Variants in MTFR1 observed in about 807,000 individuals in gnomAD.
MTFR1 encodes chondrocyte protein with a poly-proline region.
A neutral mutation model predicts 38.8 loss-of-function variants in MTFR1; 28 were observed. The observed-to-expected ratio is 0.72, with a 90% CI of 0.53 to 0.99. The LOEUF (loss-of-function observed/expected upper bound fraction) is 0.99. Among genes scored for constraint, MTFR1 ranks in the 50% least tolerant of loss-of-function variants. The pLI, the probability that MTFR1 is intolerant of heterozygous loss-of-function variation, is 0.00. For missense variants in MTFR1, 358 were observed against 395.5 expected, an observed-to-expected ratio of 0.91 and a Z score of 0.81; for synonymous variants, 145 against 137.0, an observed-to-expected ratio of 1.06 and a Z score of -0.41.
chr8:65,747,504 C>G, intron 3 of MTFR1: 3 of 460,018 alleles, frequency 6.5e-6, no homozygotes, highest in Non-Finnish European at 1.1e-5. Context: ...AAACAAACAG[C>G]TGCTCTAAAG....
At chr8:65,776,287 T>G in the MTFR1 span, among the ~76,000 whole-genome samples, 1 of 152,238 alleles carries the variant, frequency 6.6e-6, no homozygotes, top group Non-Finnish European at 1.5e-5. Context: ...GGGTTATTTC[T>G]GGATTCTATA....
chr8:65,763,272 C>T (rs2128915659), intron 3 of MTFR1, among the ~76,000 whole-genome samples: 1 of 152,064 alleles, frequency 6.6e-6, no homozygotes, highest in South Asian at 2.1e-4. Context: ...AGACATAAAA[C>T]CCTATAAAAA....
chr8:65,723,501 G>T, intron 3 of MTFR1: 2 of 1,397,312 alleles, frequency 1.4e-6, no homozygotes, highest in Non-Finnish European at 1.9e-6. Context: ...AAAAACAGTG[G>T]CATTTTTCTA....
At chr8:65,759,532 G>A (rs1243114743) in intron 3 of MTFR1, among the ~76,000 whole-genome samples, 1 of 152,202 alleles carries the variant, frequency 6.6e-6, no homozygotes, top group Non-Finnish European at 1.5e-5. Flanking sequence ...CCAAAAAACA[G>A]TGGCCTCTCC....
intron 1 of MTFR1, among the ~76,000 whole-genome samples, chr8:65,667,545 A>G (rs552098420): frequency 6.6e-6 from 1 of 151,944 alleles, no homozygotes; most frequent in Non-Finnish European, 1.5e-5. Flanking sequence ...TTCCTGCCTC[A>G]GCCTCCCAAG....
intron 1 of MTFR1, among the ~76,000 whole-genome samples, chr8:65,664,820 T>G (rs1011835433): frequency 6.6e-6 from 1 of 151,958 alleles, no homozygotes; most frequent in Non-Finnish European, 1.5e-5. Flanking sequence ...ACTCCTAACC[T>G]TAGGTGATCT....
chr8:65,740,907 T>C (rs1807397625), intron 3 of MTFR1, among the ~76,000 whole-genome samples: 1 of 152,182 alleles, frequency 6.6e-6, no homozygotes, highest in African/African-American at 2.4e-5. Flanking sequence ...CCCCTCCAGT[T>C]TCACCTGCTC....
chr8:65,752,019 C>T (rs1807993791), intron 3 of MTFR1, among the ~76,000 whole-genome samples: 1 of 152,172 alleles, frequency 6.6e-6, no homozygotes, highest in African/African-American at 2.4e-5. Context: ...TACTGAAGGG[C>T]ACTGCTACAG....
intron 3 of MTFR1, chr8:65,727,253 C>T (rs773911088): frequency 1.2e-6 from 2 of 1,613,430 alleles, no homozygotes; most frequent in Non-Finnish European, 8.5e-7. Flanking sequence ...TGAGTGGCAG[C>T]TGCAATTAAG....
In MTFR1 at chr8:65,686,819, A is replaced by G. The variant is rs552273040; in HGVS notation, c.165+4368A>G. Among the ~76,000 whole-genome samples the G allele has an allele frequency of 1.5e-4, 22 of 151,484 alleles. 1 individual carries two copies. The highest frequency in any genetic ancestry group is 5.3e-4 in the African/African-American group (22 of 41,164). Reference sequence around the variant, plus strand: ...GTTCTTGTCATCCCAGCTACTTAGGAGGCTGAGGCAGGAAGAATTGCCTGA... The same window carrying G: ...GTTCTTGTCATCCCAGCTACTTAGGGGGCTGAGGCAGGAAGAATTGCCTGA... On this transcript the variant is annotated intron_variant, in intron 3 of 7. Coordinates refer to ENST00000262146, the MANE Select transcript of MTFR1 (RefSeq NM_014637.4).
intron 2 of MTFR1, among the ~76,000 whole-genome samples, chr8:65,677,616 G>C (rs1382816905): frequency 1.3e-5 from 2 of 150,764 alleles, no homozygotes; most frequent in Admixed American, 6.6e-5. Context: ...TCCTGAGCTC[G>C]TGACCCGCCC....
At chr8:65,696,663 T>A (rs1805450876) in intron 4 of MTFR1, among the ~76,000 whole-genome samples, 1 of 152,190 alleles carries the variant, frequency 6.6e-6, no homozygotes, top group Non-Finnish European at 1.5e-5. Context: ...TATGTAACTT[T>A]TTTTTTTATT....
chr8:65,666,533 C>T (rs1804387367), intron 1 of MTFR1, among the ~76,000 whole-genome samples: 1 of 152,192 alleles, frequency 6.6e-6, no homozygotes, highest in South Asian at 2.1e-4. Flanking sequence ...TGAGTCCTAA[C>T]TTTGCCACTT....
intron 3 of MTFR1, among the ~76,000 whole-genome samples, chr8:65,763,001 G>A (rs1055978784): frequency 3.9e-5 from 5 of 128,218 alleles, no homozygotes; most frequent in African/African-American, 1.4e-4. Flanking sequence ...ATGTGTGTGT[G>A]TGTGTGTGTG....
Position 65,657,514 on chromosome 8 carries a change from G to A in MTFR1, c.-80-12359G>A, listed in dbSNP as rs1030720290. The stretch of plus-strand genomic sequence containing the variant: ...GCTCAGGAGTTTGAGGCTAGCCTGG[G>A]CAATGTAGTGAGACCCCGTCTCTAA... On this transcript the variant is annotated intron_variant, in intron 1 of 7. Transcript: ENST00000262146. Among the ~76,000 whole-genome samples, 4 of 151,896 alleles carry A rather than the reference G, an allele frequency of 2.6e-5. 1 individual carries two copies. The highest frequency in any genetic ancestry group is 4.4e-5 in the Non-Finnish European group (3 of 67,986).
At chr8:65,677,534 C>T (rs1193906923) in intron 2 of MTFR1, among the ~76,000 whole-genome samples, 2 of 151,260 alleles carry the variant, frequency 1.3e-5, no homozygotes, top group Non-Finnish European at 2.9e-5. Flanking sequence ...AGGCGTGCAC[C>T]ACCACACCTG....
chr8:65,727,498 A>G (rs17395920), intron 3 of MTFR1: 28,664 of 587,446 alleles, frequency 0.049, 916 homozygotes, highest in Non-Finnish European at 0.061. Context: ...TGGCAAAGCC[A>G]TGATACAACA....
At chr8:65,683,395 G>T (rs1804968072) in intron 3 of MTFR1, among the ~76,000 whole-genome samples, 1 of 152,094 alleles carries the variant, frequency 6.6e-6, no homozygotes, top group South Asian at 2.1e-4. Context: ...CTTCCAAAGT[G>T]CTGGGATTAC....
At chr8:65,760,363 CTG>C (rs1205947743) in intron 3 of MTFR1, among the ~76,000 whole-genome samples, 3 of 152,178 alleles carry the variant, frequency 2.0e-5, no homozygotes, top group Non-Finnish European at 4.4e-5. Flanking sequence ...TGCTATAAAA[CTG>C]TTTCAAACTT....
Sources: gnomAD v4.1 joint callset for allele counts (sites outside exome capture counted in the v4.1 genomes callset) on GRCh38, gnomAD v4.1.1 for gene constraint, MANE v1.5 for transcripts, NCBI Gene and HGNC (gene_info 2026-07-23, HGNC 2026-07-21) for gene names.